The following GRM5 variants were observed in gnomAD, a reference collection of about 807,000 sequenced individuals.
GRM5 encodes metabotropic glutamate receptor 5.
Under a neutral mutation model 83.1 loss-of-function variants are expected in GRM5, and 19 were observed. The ratio of observed to expected loss-of-function variants is 0.23; its 90% CI spans 0.16 to 0.34. The LOEUF (loss-of-function observed/expected upper bound fraction) is 0.34. Ranked by LOEUF, GRM5 falls within the 10% of genes least tolerant of loss-of-function variation. The probability of loss-of-function intolerance (pLI) is 1.00; values close to 1 mark genes in which losing one functional copy is unlikely to be tolerated. For missense variants in GRM5, 1,160 were observed against 1,588.3 expected (o/e 0.73, Z 4.58); for synonymous variants, 675 against 633.6 (o/e 1.07, Z -0.98).
At chr11:88,868,578 G>A (rs1031609055) in intron 2 of GRM5, among the ~76,000 whole-genome samples, 2 of 151,678 alleles carry the variant, frequency 1.3e-5, no homozygotes, top group African/African-American at 4.8e-5. Context: ...ATTCCTGAAT[G>A]AAAACCATCT....
chr11:88,717,352 T>A (rs912513928), intron 3 of GRM5, among the ~76,000 whole-genome samples: 3 of 151,960 alleles, frequency 2.0e-5, no homozygotes. Context: ...ATGATCATAG[T>A]GGCTAACATT....
intron 2 of GRM5, among the ~76,000 whole-genome samples, chr11:88,951,253 G>T (rs1938453216): frequency 6.6e-6 from 1 of 152,218 alleles, no homozygotes; most frequent in Admixed American, 6.5e-5. Context: ...AACAGTCTCT[G>T]CTTTTACAAT....
At chr11:88,981,080 A>G (rs1359290972) in intron 2 of GRM5, among the ~76,000 whole-genome samples, 3 of 152,142 alleles carry the variant, frequency 2.0e-5, no homozygotes, top group Admixed American at 6.5e-5. Flanking sequence ...TCTCTTCTCA[A>G]AGATAAAGAT....
intron 2 of GRM5, among the ~76,000 whole-genome samples, chr11:88,982,805 GCC>G (rs1443369648): frequency 2.0e-5 from 3 of 152,172 alleles, no homozygotes; most frequent in Non-Finnish European, 4.4e-5. Flanking sequence ...AGTGGCTCAT[GCC>G]TTTAATCCCA....
Position 88,508,900 on chromosome 11 carries a change from T to A in GRM5, c.3331A>T (p.Thr1111Ser), listed in dbSNP as rs974854735. The A allele has an allele frequency of 6.3e-6, 10 of 1,597,348 alleles. No individual in the cohort carries two copies. The African/African-American group carries it at 1.1e-4, about 17-fold the overall frequency. ...GGCAGAGGCTGGATTTCGGCAAAGG[T>A]CGTCATGGTCGTGGGCAACTGGATC... ...KEIQLPTTMT[T>S]FAEIQPLPAI... is the part of the protein sequence containing the mutation. The change falls in exon 10 of 10, where the codon ACC (threonine) becomes TCC (serine). Residue 1111 changes from threonine to serine, a missense_variant. Physicochemically the swap from Thr to Ser is moderately conservative, Grantham distance 58 (BLOSUM62 1). Coordinates refer to ENST00000305447, the MANE Select transcript of GRM5 (RefSeq NM_001143831.3). This position sits in a 1 kb window ranked among gnomAD's most constrained non-coding sequence, Gnocchi z 4.2.
intron 2 of GRM5, among the ~76,000 whole-genome samples, chr11:88,851,879 T>C (rs1944394762): frequency 6.6e-6 from 1 of 152,190 alleles, no homozygotes; most frequent in African/African-American, 2.4e-5. Flanking sequence ...AGGTGGGCAA[T>C]CTAGTTATTT....
chr11:89,012,220 A>G (rs1177018286), intron 2 of GRM5, among the ~76,000 whole-genome samples: 2 of 152,220 alleles, frequency 1.3e-5, no homozygotes, highest in Admixed American at 6.5e-5. Context: ...GCAAAGTAAG[A>G]GTAGACTTTT....
At position 89,004,832 on chromosome 11, in the gene GRM5, C is replaced by A. The variant is rs192745822; in HGVS notation, c.661+42380G>T. 4.1e-3 allele frequency among the ~76,000 whole-genome samples: 632 copies of A among 152,292 alleles called. 5 individuals carry two copies. Among genetic ancestry groups the A allele is most frequent in the African/African-American group, 0.015 (607 of 41,568 alleles). Reference sequence around the variant, plus strand: ...ATCTACAATTATTTAATCCCATATGCAAATAGATGAAATATTTATGTTTTT... The same window carrying A: ...ATCTACAATTATTTAATCCCATATGAAAATAGATGAAATATTTATGTTTTT... On this transcript the variant is annotated intron_variant, in intron 2 of 9. Transcript: ENST00000305447.
At chr11:88,874,263 T>C (rs1000167583) in intron 2 of GRM5, among the ~76,000 whole-genome samples, 6 of 151,808 alleles carry the variant, frequency 4.0e-5, no homozygotes, top group African/African-American at 1.2e-4. Flanking sequence ...TGGAACAGAA[T>C]AGAGAACCCA....
chr11:88,687,535 T>C (rs78743714), intron 3 of GRM5, among the ~76,000 whole-genome samples: 13,595 of 47,626 alleles, frequency 0.29, 2,516 homozygotes, highest in Middle Eastern at 0.39. Context: ...CATACATATA[T>C]ATACACACAC....
intron 2 of GRM5, among the ~76,000 whole-genome samples, chr11:89,025,791 T>C (rs1941115793): frequency 6.6e-6 from 1 of 152,206 alleles, no homozygotes. Context: ...TCAAAGTACT[T>C]AAAACAGTAC....
chr11:88,513,134 A>G (rs1439235023), intron 9 of GRM5, among the ~76,000 whole-genome samples: 1 of 152,126 alleles, frequency 6.6e-6, no homozygotes, highest in Non-Finnish European at 1.5e-5. Context: ...CTTGTCTTAA[A>G]GAAAGCTTTC....
chr11:88,918,941 G>A (rs1945641027), intron 2 of GRM5, among the ~76,000 whole-genome samples: 1 of 150,194 alleles, frequency 6.7e-6, no homozygotes. Flanking sequence ...TACCACCAGA[G>A]AAAAACACTT....
chr11:88,890,121 A>ACATCCCCC lies in GRM5; in HGVS notation c.662-39967_662-39966insGGGGGATG, dbSNP rs71046267. 1.5e-4 allele frequency among the ~76,000 whole-genome samples: 22 copies of ACATCCCCC among 151,340 alleles called. 1 individual carries two copies. Among genetic ancestry groups the ACATCCCCC allele is most frequent in the Admixed American group, 7.9e-4 (12 of 15,172 alleles). On this transcript the variant is annotated intron_variant, in intron 2 of 9. Coordinates refer to ENST00000305447, the MANE Select transcript of GRM5 (RefSeq NM_001143831.3). ...ACCTGAAAGATATGGAAACATCCCC[A>ACATCCCCC]CATCCCCACATCCCCACCCCCGACT...
intron 2 of GRM5, among the ~76,000 whole-genome samples, chr11:89,043,073 C>T (rs1264218996): frequency 2.0e-5 from 3 of 152,132 alleles, no homozygotes; most frequent in African/African-American, 4.8e-5. Context: ...GTCATTTTGA[C>T]ACCTCATTTT....
At chr11:88,554,857 C>A (rs1942589879) in intron 8 of GRM5, among the ~76,000 whole-genome samples, 1 of 152,126 alleles carries the variant, frequency 6.6e-6, no homozygotes, top group South Asian at 2.1e-4. Flanking sequence ...GCTTAATAAC[C>A]AATAGCAAGC....
At chr11:88,975,659 GA>G (rs1939310571) in intron 2 of GRM5, among the ~76,000 whole-genome samples, 1 of 152,182 alleles carries the variant, frequency 6.6e-6, no homozygotes, top group South Asian at 2.1e-4. Flanking sequence ...TACTGACTCA[GA>G]AACTGCCTTT....
At chr11:88,933,354 C>T (rs899074316) in intron 2 of GRM5, among the ~76,000 whole-genome samples, 3 of 151,642 alleles carry the variant, frequency 2.0e-5, no homozygotes, top group African/African-American at 7.3e-5. Flanking sequence ...TGGAGTTCCT[C>T]TATTGGTGAA....
chr11:88,892,958 G>C (rs1945171302), intron 2 of GRM5, among the ~76,000 whole-genome samples: 1 of 151,904 alleles, frequency 6.6e-6, no homozygotes, highest in Non-Finnish European at 1.5e-5. Context: ...TCTGTATCTT[G>C]GCAGGTAAAA....
Sources: allele counts gnomAD v4.1 joint callset (sites outside exome capture counted in the v4.1 genomes callset), GRCh38; gene constraint gnomAD v4.1.1; non-coding constraint Gnocchi (gnomAD v3.1); transcripts MANE v1.5; gene names NCBI Gene and HGNC (gene_info 2026-07-23, HGNC 2026-07-21).